Variants in EDIL3 observed in about 807,000 individuals in gnomAD.
EDIL3 encodes the protein EGF-like repeat and discoidin I-like domain-containing protein 3.
A neutral mutation model predicts 67.4 loss-of-function variants in EDIL3; 37 were observed. That is an observed-to-expected ratio of 0.55 (90% CI 0.42 to 0.72). EDIL3 has a LOEUF of 0.72. Ranked by LOEUF, EDIL3 falls within the 30% of genes least tolerant of loss-of-function variation. The pLI, the probability that EDIL3 is intolerant of heterozygous loss-of-function variation, is 0.00. For synonymous variants in EDIL3, 195 were observed against 196.3 expected (o/e 0.99, Z 0.05); for missense variants, 527 against 586.3 (o/e 0.90, Z 1.04).
chr5:84,050,778 C>A (rs2112224088), intron 9 of EDIL3, among the ~76,000 whole-genome samples: 1 of 152,292 alleles, frequency 6.6e-6, no homozygotes. Context: ...GGGTGTTCCC[C>A]ATTGCTGAGG....
intron 1 of EDIL3, among the ~76,000 whole-genome samples, chr5:84,256,907 G>A (rs1315468911): frequency 1.3e-5 from 2 of 152,170 alleles, no homozygotes; most frequent in African/African-American, 4.8e-5. Context: ...ATCAAATCTA[G>A]TTAATAAATA....
intron 9 of EDIL3, among the ~76,000 whole-genome samples, chr5:83,978,825 C>T (rs1043518165): frequency 2.0e-5 from 3 of 151,988 alleles, no homozygotes; most frequent in East Asian, 3.9e-4. Context: ...ATTAAATCCC[C>T]ATAGGCTAAA....
chr5:84,283,136 G>C (rs906047914), intron 1 of EDIL3, among the ~76,000 whole-genome samples: 5 of 151,970 alleles, frequency 3.3e-5, no homozygotes, highest in African/African-American at 1.2e-4. Context: ...AGCAGATATA[G>C]AGCATAAGAA....
chr5:84,092,704 A>T (rs945403718), intron 6 of EDIL3, among the ~76,000 whole-genome samples: 2 of 152,190 alleles, frequency 1.3e-5, no homozygotes, highest in African/African-American at 4.8e-5. Context: ...ATTACATCTA[A>T]AGTTTCTAAA....
At chr5:83,947,358 T>C (rs1227932072) in intron 10 of EDIL3, among the ~76,000 whole-genome samples, 2 of 75,924 alleles carry the variant, frequency 2.6e-5, no homozygotes, top group Non-Finnish European at 5.5e-5. Flanking sequence ...TGTATGTGTC[T>C]GTGTCTGTGT....
chr5:84,116,191 C>CAAAA (rs71605896), intron 5 of EDIL3, among the ~76,000 whole-genome samples: 3,510 of 115,562 alleles, frequency 0.03, 84 homozygotes, highest in South Asian at 0.059. Context: ...TTCCAGAGGT[C>CAAAA]AAAAAAAAAA....
At chr5:84,367,501 G>A (rs1747763112) in intron 1 of EDIL3, among the ~76,000 whole-genome samples, 1 of 152,184 alleles carries the variant, frequency 6.6e-6, no homozygotes, top group African/African-American at 2.4e-5. Flanking sequence ...GGGAATCTGA[G>A]CTAGGAGCGG....
chr5:84,104,475 A>G (rs1747423347), intron 6 of EDIL3, among the ~76,000 whole-genome samples: 2 of 152,050 alleles, frequency 1.3e-5, no homozygotes, highest in East Asian at 3.8e-4. Flanking sequence ...TAAAATGAAT[A>G]CATTGAATAT....
chr5:84,248,203 G>A (rs141033468), intron 2 of EDIL3, among the ~76,000 whole-genome samples: 12 of 152,098 alleles, frequency 7.9e-5, no homozygotes, highest in East Asian at 7.7e-4. Flanking sequence ...TCTCCACAAC[G>A]CCAGCAAAAC....
intron 9 of EDIL3, among the ~76,000 whole-genome samples, chr5:84,052,635 C>CA (rs982359264): frequency 2.0e-5 from 3 of 151,552 alleles, no homozygotes; most frequent in African/African-American, 7.3e-5. Context: ...AAATGGAAAA[C>CA]AAAAAAAGGC....
chr5:84,031,743 T>C (rs1745926984), intron 9 of EDIL3, among the ~76,000 whole-genome samples: 1 of 152,210 alleles, frequency 6.6e-6, no homozygotes, highest in Non-Finnish European at 1.5e-5. Flanking sequence ...AATTTCCTTT[T>C]TTTAAGTCAC....
At chr5:84,008,339 C>G (rs143785871) in intron 9 of EDIL3, among the ~76,000 whole-genome samples, 2,121 of 152,010 alleles carry the variant, frequency 0.014, 51 homozygotes, top group African/African-American at 0.049. Flanking sequence ...GTGAAGGATA[C>G]CCCATTTACT....
chr5:84,258,970 CTTTT>C (rs144344642), intron 1 of EDIL3, among the ~76,000 whole-genome samples: 11 of 77,916 alleles, frequency 1.4e-4, no homozygotes, highest in African/African-American at 5.5e-4. Flanking sequence ...TTCGTAGAGT[CTTTT>C]TTTTTTTTTT....
chr5:84,117,682 T>G lies in EDIL3; in HGVS notation c.470-10852A>C, dbSNP rs377754188. ...AAAAAAAGCCCATAATAGAATTACC[T>G]GCTTACCTTAAGCTTTTAAAGAAAA... On this transcript the variant is annotated intron_variant, in intron 5 of 10. Coordinates refer to ENST00000296591, the MANE Select transcript of EDIL3 (RefSeq NM_005711.5). Among the ~76,000 whole-genome samples the G allele has an allele frequency of 4.2e-4, 64 of 151,940 alleles. 1 individual carries two copies. In the East Asian group the frequency reaches 6.2e-3, roughly 15 times the overall value.
rs35919017 is a variant in EDIL3 at position 83,944,396 on chromosome 5, C to CTT, written c.1294-830_1294-829dup. On this transcript the variant is annotated intron_variant, in intron 10 of 10. Transcript: ENST00000296591. Reference sequence around the variant, plus strand: ...TCTTCTTTCTTCTTTTGTAAAAATGCTTTTTTTTTTTTTTTTTTGGAGCTT... The same window carrying CTT: ...TCTTCTTTCTTCTTTTGTAAAAATGCTTTTTTTTTTTTTTTTTTTTGGAGCTT... Among the ~76,000 whole-genome samples the CTT allele has an allele frequency of 3.4e-3, 401 of 117,074 alleles. 8 individuals are homozygous for CTT. The South Asian group carries it at 0.059, about 17-fold the overall frequency. 76.8% of individuals were successfully genotyped at this position (117,074 alleles called of 152,430 possible). A position where few individuals can be genotyped will look rare whatever the true frequency, so the allele number is the denominator to read the frequency against.
rs140255291 is a variant in EDIL3, at chr5:83,960,396, A to G, written c.1293+2809T>C. Reference sequence around the variant, plus strand: ...TAGTAGAGTCTATTTTTTCTTAACAATAATATTTATTTTGGTTCGATGTTT... The same window carrying G: ...TAGTAGAGTCTATTTTTTCTTAACAGTAATATTTATTTTGGTTCGATGTTT... On this transcript the variant is annotated intron_variant, in intron 10 of 10. Coordinates refer to ENST00000296591, the MANE Select transcript of EDIL3 (RefSeq NM_005711.5). Among the ~76,000 whole-genome samples, 96 of 151,162 alleles carry G rather than the reference A, an allele frequency of 6.4e-4. 2 individuals are homozygous for G. In the East Asian group the frequency reaches 0.011, roughly 17 times the overall value.
At chr5:84,032,620 T>C (rs983299836) in intron 9 of EDIL3, among the ~76,000 whole-genome samples, 1 of 152,150 alleles carries the variant, frequency 6.6e-6, no homozygotes, top group Non-Finnish European at 1.5e-5. Context: ...CAATAATAGT[T>C]TGGAAGAAAA....
At chr5:84,056,998 G>A (rs942100594) in intron 9 of EDIL3, among the ~76,000 whole-genome samples, 1 of 151,982 alleles carries the variant, frequency 6.6e-6, no homozygotes, top group African/African-American at 2.4e-5. Flanking sequence ...ATTCTCTTGA[G>A]GGGAAAACAC....
intron 2 of EDIL3, among the ~76,000 whole-genome samples, chr5:84,248,253 T>G (rs903427094): frequency 3.9e-5 from 6 of 152,192 alleles, no homozygotes; most frequent in Non-Finnish European, 8.8e-5. Context: ...ATCAATCACA[T>G]GTAATCAAAG....
Sources: gnomAD v4.1 joint callset for allele counts (sites outside exome capture counted in the v4.1 genomes callset) on GRCh38, gnomAD v4.1.1 for gene constraint, MANE v1.5 for transcripts, NCBI Gene and HGNC (gene_info 2026-07-23, HGNC 2026-07-21) for gene names.